The following MITF variants were observed in gnomAD, a reference collection of about 807,000 sequenced individuals.
MITF encodes melanocyte inducing transcription factor.
Under a neutral mutation model 60.5 loss-of-function variants are expected in MITF, and 17 were observed. The observed-to-expected ratio is 0.28, with a 90% CI of 0.19 to 0.42. MITF has a LOEUF of 0.42. MITF is among the 10% of genes least tolerant of loss of function. The pLI, the probability that MITF is intolerant of heterozygous loss-of-function variation, is 1.00. For missense variants in MITF, 622 were observed against 683.5 expected (o/e 0.91, Z 1.00); for synonymous variants, 260 against 248.5 (o/e 1.05, Z -0.43).
At chr3:69,943,954 G>A (rs952952930) in intron 5 of MITF, among the ~76,000 whole-genome samples, 1 of 151,914 alleles carries the variant, frequency 6.6e-6, no homozygotes, top group Non-Finnish European at 1.5e-5. Flanking sequence ...AGCTGGGTGG[G>A]GTAGTAGTAC....
At chr3:69,878,021 A>G (rs1265332363) in intron 1 of MITF, among the ~76,000 whole-genome samples, 3 of 152,188 alleles carry the variant, frequency 2.0e-5, no homozygotes, top group African/African-American at 7.2e-5. Context: ...TTTTCTACCT[A>G]TAATAATAGT....
chr3:69,773,551 G>T (rs748000339), intron 1 of MITF, among the ~76,000 whole-genome samples: 19 of 152,152 alleles, frequency 1.2e-4, no homozygotes, highest in Admixed American at 7.2e-4. Flanking sequence ...ATGCTTGTGG[G>T]TTGGATAGTT....
At chr3:69,755,588 C>T (rs553868570) in intron 1 of MITF, among the ~76,000 whole-genome samples, 3 of 151,516 alleles carry the variant, frequency 2.0e-5, no homozygotes, top group African/African-American at 4.8e-5. Flanking sequence ...ATTTCTCTCC[C>T]GAAAACTGTG....
chr3:69,745,064 A>T (rs1453711162), intron 1 of MITF, among the ~76,000 whole-genome samples: 1 of 152,132 alleles, frequency 6.6e-6, no homozygotes, highest in Non-Finnish European at 1.5e-5. Context: ...AAATAAAAAC[A>T]ATAATGATAT....
chr3:69,886,082 C>A (rs973805568), intron 2 of MITF, among the ~76,000 whole-genome samples: 1 of 152,110 alleles, frequency 6.6e-6, no homozygotes, highest in African/African-American at 2.4e-5. Context: ...TAGTTGAACT[C>A]CATGGGCCAC....
At chr3:69,806,073 T>C (rs932721546) in intron 1 of MITF, among the ~76,000 whole-genome samples, 1 of 151,880 alleles carries the variant, frequency 6.6e-6, no homozygotes, top group Non-Finnish European at 1.5e-5. Context: ...CCACGGTATC[T>C]GTTAGCAGAG....
intron 1 of MITF, among the ~76,000 whole-genome samples, chr3:69,802,683 C>CTTTTT (rs34396439): frequency 4.5e-5 from 3 of 66,212 alleles, no homozygotes; most frequent in South Asian, 6.8e-4. Flanking sequence ...AGTCCATATT[C>CTTTTT]TTTTTTTTTT....
chr3:69,922,660 A>G (rs1202212247), intron 2 of MITF, among the ~76,000 whole-genome samples: 1 of 152,222 alleles, frequency 6.6e-6, no homozygotes, highest in African/African-American at 2.4e-5. Flanking sequence ...TACTTCAGTG[A>G]TACAGTGGCC....
chr3:69,760,291 G>T (rs1017896760), intron 1 of MITF, among the ~76,000 whole-genome samples: 1 of 152,164 alleles, frequency 6.6e-6, no homozygotes, highest in Non-Finnish European at 1.5e-5. Flanking sequence ...AAAAGCAGTA[G>T]GATTGACAGA....
chr3:69,837,786 T>C (rs1056709136), intron 1 of MITF, among the ~76,000 whole-genome samples: 1 of 152,194 alleles, frequency 6.6e-6, no homozygotes, highest in Non-Finnish European at 1.5e-5. Context: ...GGCAGAAATA[T>C]TAATGTACTT....
At chr3:69,751,574 G>A (rs1296644094) in intron 1 of MITF, among the ~76,000 whole-genome samples, 2 of 102,028 alleles carry the variant, frequency 2.0e-5, no homozygotes, top group East Asian at 2.6e-4. Context: ...TTTTTTTTTG[G>A]CATGTTGACA....
chr3:69,785,035 A>AT (rs35217879), intron 1 of MITF, among the ~76,000 whole-genome samples: 33,897 of 139,554 alleles, frequency 0.24, 4,550 homozygotes, highest in East Asian at 0.49. Flanking sequence ...CTGCAGTTGG[A>AT]TTTTTTTTTT....
chr3:69,796,494 C>CTGTTTTTTTTTTTTTTTTT (rs2062829965), intron 1 of MITF, among the ~76,000 whole-genome samples: 1 of 80,328 alleles, frequency 1.2e-5, no homozygotes, highest in Non-Finnish European at 2.6e-5. Context: ...CACCGTCTTT[C>CTGTTTTTTTTTTTTTTTTT]TTTTTTTTTT....
chr3:69,908,365 A>C (rs902626150), intron 2 of MITF, among the ~76,000 whole-genome samples: 5 of 151,896 alleles, frequency 3.3e-5, no homozygotes, highest in South Asian at 2.1e-4. Flanking sequence ...TAAAAAAAAA[A>C]CTCTTCTACA....
intron 1 of MITF, among the ~76,000 whole-genome samples, chr3:69,789,915 A>G (rs1231017695): frequency 4.0e-5 from 6 of 149,258 alleles, no homozygotes; most frequent in Admixed American, 2.0e-4. Flanking sequence ...GTGTGCATGT[A>G]TATATATATA....
chr3:69,882,410 A>G (rs1270525808), intron 2 of MITF, among the ~76,000 whole-genome samples: 5 of 152,154 alleles, frequency 3.3e-5, no homozygotes. Flanking sequence ...CATAGTAAAG[A>G]TATTCTCCAA....
intron 2 of MITF, among the ~76,000 whole-genome samples, chr3:69,903,077 G>C (rs1248219382): frequency 6.6e-6 from 1 of 152,016 alleles, no homozygotes; most frequent in Non-Finnish European, 1.5e-5. Context: ...CAATCTATGG[G>C]TTTTATTTTT....
chr3:69,852,105 G>A (rs62253175), intron 1 of MITF, among the ~76,000 whole-genome samples: 3,884 of 152,150 alleles, frequency 0.026, 80 homozygotes, highest in Non-Finnish European at 0.034. Context: ...ATCTAGATGG[G>A]ATCAAGGAAG....
chr3:69,823,687 C>T (rs888123518), intron 1 of MITF, among the ~76,000 whole-genome samples: 1 of 152,160 alleles, frequency 6.6e-6, no homozygotes, highest in Non-Finnish European at 1.5e-5. Context: ...GTATCAGAAT[C>T]TTTCCTCAGA....
Sources: allele counts gnomAD v4.1 joint callset (sites outside exome capture counted in the v4.1 genomes callset), GRCh38; gene constraint gnomAD v4.1.1; transcripts MANE v1.5; gene names NCBI Gene and HGNC (gene_info 2026-07-23, HGNC 2026-07-21).